Variants in MALRD1 observed in about 807,000 individuals in gnomAD.
MALRD1 encodes the protein MAM and LDL receptor class A domain containing 1.
A neutral mutation model predicts 242.1 loss-of-function variants in MALRD1; 247 were observed. The observed-to-expected ratio is 1.02, with a 90% CI of 0.92 to 1.13. The LOEUF (loss-of-function observed/expected upper bound fraction) is 1.13, where lower values mean the gene tolerates loss of function less well. Among genes scored for constraint, MALRD1 ranks in the 50% most tolerant of loss-of-function variants. The pLI is 0.00. For synonymous variants in MALRD1, 995 were observed against 866.6 expected, an observed-to-expected ratio of 1.15 and a Z score of -2.60; for missense variants, 2,989 against 2,533.1, an observed-to-expected ratio of 1.18 and a Z score of -3.86.
chr10:19,605,781 T>A (rs1838589551), intron 34 of MALRD1, among the ~76,000 whole-genome samples: 1 of 152,116 alleles, frequency 6.6e-6, no homozygotes, highest in Non-Finnish European at 1.5e-5. Flanking sequence ...TTATGGAATT[T>A]CTTTTGTTAT....
chr10:19,596,762 CGAAAGAAA>C (rs1838119955), intron 34 of MALRD1, among the ~76,000 whole-genome samples: 1 of 73,566 alleles, frequency 1.4e-5, no homozygotes, highest in Non-Finnish European at 3.0e-5. Flanking sequence ...AAGAAAAGAA[CGAAAGAAA>C]GAGAGAAAGA....
chr10:19,235,949 G>C (rs150184405), intron 18 of MALRD1, among the ~76,000 whole-genome samples: 34 of 152,212 alleles, frequency 2.2e-4, no homozygotes, highest in African/African-American at 8.2e-4. Context: ...ATTGGTTGAA[G>C]ACTAGGGGAA....
chr10:19,270,807 AACACACACACACACACACACAC>A (rs71387059), intron 19 of MALRD1, among the ~76,000 whole-genome samples: 11 of 145,054 alleles, frequency 7.6e-5, no homozygotes, highest in African/African-American at 2.6e-4. Flanking sequence ...TTCAAAGGAT[AACACACACACACACACACACAC>A]ACACACACAC....
chr10:19,587,341 G>A (rs566013673), intron 33 of MALRD1, among the ~76,000 whole-genome samples: 38 of 152,300 alleles, frequency 2.5e-4, no homozygotes, highest in Admixed American at 9.8e-4. Flanking sequence ...TTTACAATGA[G>A]CATTTTTACT....
intron 36 of MALRD1, among the ~76,000 whole-genome samples, chr10:19,677,423 G>A (rs1842180364): frequency 6.6e-6 from 1 of 152,142 alleles, no homozygotes; most frequent in African/African-American, 2.4e-5. Flanking sequence ...GTGATGTTGA[G>A]CTTTTTAAAA....
intron 19 of MALRD1, among the ~76,000 whole-genome samples, chr10:19,262,752 G>A (rs901656930): frequency 2.6e-5 from 4 of 151,122 alleles, no homozygotes; most frequent in South Asian, 2.1e-4. Context: ...CTTATTCTTC[G>A]GATAACTGAA....
chr10:19,636,898 C>CA (rs5783689), intron 36 of MALRD1, among the ~76,000 whole-genome samples: 12,701 of 94,908 alleles, frequency 0.13, 1,162 homozygotes, highest in African/African-American at 0.3. Context: ...GACTCTGTCT[C>CA]AAAAAAAAAA....
At chr10:19,459,439 A>T (rs7099296) in intron 29 of MALRD1, among the ~76,000 whole-genome samples, 123,924 of 152,004 alleles carry the variant, frequency 0.82, 50,714 homozygotes, top group East Asian at 1. Flanking sequence ...CAGAAGAGAG[A>T]CTTCATTGCC....
rs563660922 is a variant in MALRD1 at position 19,109,271 on chromosome 10, C to T, written c.694+5196C>T. Among the ~76,000 whole-genome samples the T allele has an allele frequency of 7.2e-5, 11 of 152,232 alleles. No homozygotes were observed. In the South Asian group the frequency reaches 8.3e-4, roughly 11 times the overall value. ...AGAGCTGTTCTATTACTGGGTCAAG[C>T]GTTACCTCCCTGTCGGGGACAGAAG... On this transcript the variant is annotated intron_variant, in intron 5 of 39. Coordinates refer to ENST00000454679, the MANE Select transcript of MALRD1 (RefSeq NM_001142308.3).
rs1156254998 is a variant in MALRD1 at position 19,430,111 on chromosome 10, CT to C, written c.4846-20175del. Among the ~76,000 whole-genome samples the C allele has an allele frequency of 6.7e-3, 562 of 83,480 alleles. 3 individuals are homozygous for C. The highest frequency in any genetic ancestry group is 9.7e-3 in the Admixed American group (60 of 6,180). The allele number at this position is 83,480 out of a possible 152,430, so 54.8% of individuals were successfully genotyped here. ...CTTTGCTTGGAATTTCTCCATTTTC[CT>C]TTTTTTTTTTTTTTTTTTTTGAGAT... On this transcript the variant is annotated intron_variant, in intron 28 of 39. Coordinates refer to ENST00000454679, the MANE Select transcript of MALRD1 (RefSeq NM_001142308.3).
intron 14 of MALRD1, among the ~76,000 whole-genome samples, chr10:19,197,058 CAGA>C (rs1387770508): frequency 1.3e-5 from 2 of 152,016 alleles, no homozygotes; most frequent in African/African-American, 2.4e-5. Context: ...ACAATCATGG[CAGA>C]AGGTGAAGGG....
At chr10:19,550,318 A>C (rs895904685) in intron 32 of MALRD1, among the ~76,000 whole-genome samples, 3 of 152,166 alleles carry the variant, frequency 2.0e-5, no homozygotes, top group African/African-American at 7.2e-5. Context: ...GTGAAGTTTT[A>C]GTGTAACAAA....
intron 33 of MALRD1, among the ~76,000 whole-genome samples, chr10:19,583,626 C>T (rs1302054166): frequency 6.6e-6 from 1 of 152,028 alleles, no homozygotes; most frequent in Non-Finnish European, 1.5e-5. Flanking sequence ...TTCGGTTTGC[C>T]AGTATTTTAT....
At chr10:19,051,233 A>G (rs1381573285) in intron 1 of MALRD1, among the ~76,000 whole-genome samples, 1 of 152,188 alleles carries the variant, frequency 6.6e-6, no homozygotes, top group East Asian at 1.9e-4. Context: ...TGTGATGGCT[A>G]AACTTATAGA....
intron 22 of MALRD1, among the ~76,000 whole-genome samples, chr10:19,324,692 C>A (rs1020604712): frequency 1.3e-4 from 19 of 150,228 alleles, no homozygotes; most frequent in Non-Finnish European, 2.7e-4. Flanking sequence ...CAAGTTATTT[C>A]TTTCTACTGT....
chr10:19,175,860 C>T (rs559143739), intron 14 of MALRD1, among the ~76,000 whole-genome samples: 1 of 152,092 alleles, frequency 6.6e-6, no homozygotes, highest in African/African-American at 2.4e-5. Flanking sequence ...AATTCTTTGA[C>T]TAAATTTTTT....
chr10:19,361,871 C>T (rs977857926), intron 26 of MALRD1, among the ~76,000 whole-genome samples: 6 of 152,010 alleles, frequency 3.9e-5, no homozygotes, highest in Admixed American at 1.3e-4. Context: ...ATCAAAAGTT[C>T]GGTTTTATTG....
At chr10:19,080,922 A>G (rs559078318) in intron 2 of MALRD1, among the ~76,000 whole-genome samples, 189 of 152,138 alleles carry the variant, frequency 1.2e-3, no homozygotes, top group Middle Eastern at 6.8e-3. Context: ...TTTCAGGAAA[A>G]AAACAAACAA....
intron 19 of MALRD1, among the ~76,000 whole-genome samples, chr10:19,259,905 T>C (rs1216063198): frequency 6.6e-6 from 1 of 152,122 alleles, no homozygotes; most frequent in African/African-American, 2.4e-5. Flanking sequence ...CCTATCACCC[T>C]TATGGTTAAA....
Sources: allele counts gnomAD v4.1 joint callset (sites outside exome capture counted in the v4.1 genomes callset), GRCh38; gene constraint gnomAD v4.1.1; transcripts MANE v1.5; gene names NCBI Gene and HGNC (gene_info 2026-07-23, HGNC 2026-07-21).